Variants in ZNF391 observed in about 807,000 individuals in gnomAD.
ZNF391 encodes the protein zinc finger protein 391.
For synonymous variants in ZNF391, 126 were observed against 142.1 expected (o/e 0.89, Z 0.80); for missense variants, 375 against 425.5 (o/e 0.88, Z 1.04).
chr6:27,400,723 T>G lies in ZNF391; in HGVS notation c.353T>G (p.Phe118Cys). ...PCKCNECEKA[F>C]SYQSDLLVHS... ...AAATGCAATGAATGTGAAAAAGCCT[T>G]TAGTTACCAATCAGACCTTCTTGTA... Residue 118 changes from phenylalanine to cysteine, a missense_variant, in exon 3 of 3, where the codon TTT (phenylalanine) becomes TGT (cysteine). By Grantham distance (205) the Phe-to-Cys change is radical (BLOSUM62 -2). Coordinates refer to ENST00000244576, the MANE Select transcript of ZNF391 (RefSeq NM_001076781.3). 1 of 1,613,976 alleles carries G rather than the reference T, an allele frequency of 6.2e-7. No individual in the cohort carries two copies. The highest frequency in any genetic ancestry group is 8.5e-7 in the Non-Finnish European group (1 of 1,179,984).
rs899049969 is a variant in ZNF391 at position 27,401,629 on chromosome 6, C to A, written c.*182C>A. On this transcript the variant is annotated 3_prime_UTR_variant, in exon 3 of 3. Coordinates refer to ENST00000244576, the MANE Select transcript of ZNF391 (RefSeq NM_001076781.3). ...ATCCTTCTTTCGTCTCCCCTCCCTT[C>A]TTCCCTCCTTCCCTCCTTCCTACTT... 3 of 442,894 alleles carry A rather than the reference C, an allele frequency of 6.8e-6. No homozygotes were observed. Among genetic ancestry groups the A allele is most frequent in the Non-Finnish European group, 1.2e-5 (3 of 251,946 alleles). 27.4% of individuals were successfully genotyped at this position (442,894 alleles called of 1,614,324 possible).
intron 1 of ZNF391, among the ~76,000 whole-genome samples, chr6:27,381,560 G>A (rs1761509006): frequency 6.6e-6 from 1 of 152,352 alleles, no homozygotes; most frequent in South Asian, 2.1e-4. Flanking sequence ...GGGAGCCCAG[G>A]CAGAGGAGGC....
rs1365262559 is a variant in ZNF391 at position 27,399,519 on chromosome 6, G to A, written c.-110G>A. 1 of 152,224 alleles carries A rather than the reference G, an allele frequency of 6.6e-6. No individual in the cohort carries two copies. The highest frequency in any genetic ancestry group is 1.5e-5 in the Non-Finnish European group (1 of 68,042). 9.4% of individuals were successfully genotyped at this position (152,224 alleles called of 1,614,324 possible). A position where few individuals can be genotyped will look rare whatever the true frequency, so the allele number is the denominator to read the frequency against. Reference sequence around the variant, plus strand: ...GTAGATGTTGGATCTTCAGGAAGCTGAAGAGGGCAGTGCCCAGAAATACCT... The same window carrying A: ...GTAGATGTTGGATCTTCAGGAAGCTAAAGAGGGCAGTGCCCAGAAATACCT... On this transcript the variant is annotated 5_prime_UTR_variant, in exon 2 of 3. It removes the in-frame stop codon of an upstream open reading frame in the 5' UTR. Transcript: ENST00000244576.
chr6:27,382,809 C>G (rs1761529799), intron 1 of ZNF391, among the ~76,000 whole-genome samples: 2 of 152,176 alleles, frequency 1.3e-5, no homozygotes, highest in Admixed American at 1.3e-4. Context: ...GCTGTTTATC[C>G]CAATAGAAAG....
Position 27,401,298 on chromosome 6 carries a change from T to C in ZNF391, c.928T>C (p.Cys310Arg), listed in dbSNP as rs1470402238. The C allele has an allele frequency of 6.2e-7, 1 of 1,614,080 alleles. No individual in the cohort carries two copies. The highest frequency in any genetic ancestry group is 1.1e-5 in the South Asian group (1 of 91,076). ...AGAAAAGCCTCACGAGTGTAGAGTG[T>C]GTGGAAAGGGCTTCAGTCGAAGCTC... is the stretch of plus-strand genomic sequence containing the variant. ...SGEKPHECRV[C>R]GKGFSRSSSL... is the part of the protein sequence containing the mutation. Residue 310 changes from cysteine to arginine, a missense_variant, in exon 3 of 3, where the codon TGT (cysteine) becomes CGT (arginine). Coordinates refer to ENST00000244576, the MANE Select transcript of ZNF391 (RefSeq NM_001076781.3).
rs372937619 is a variant in ZNF391 at position 27,376,693 on chromosome 6, T to C, written n.523+1556T>C. ...CAACATGGTGAAACCCCATCTCTACTAAAAATACAAAAAAATTAGCTAGAT... is the reference window on the plus strand; with the variant it reads ...CAACATGGTGAAACCCCATCTCTACCAAAAATACAAAAAAATTAGCTAGAT... On this transcript the variant is annotated intron_variant and non_coding_transcript_variant, in intron 1 of 2. Coordinates refer to the ZNF391 transcript ENST00000477999. The surrounding 1 kb of genome is among the most constrained non-coding windows in gnomAD (Gnocchi z 4.7). Among the ~76,000 whole-genome samples, 1 of 151,866 alleles carries C rather than the reference T, an allele frequency of 6.6e-6. No homozygotes were observed. The highest frequency in any genetic ancestry group is 1.5e-5 in the Non-Finnish European group (1 of 67,966).
intron 1 of ZNF391, among the ~76,000 whole-genome samples, chr6:27,398,643 GGT>G (rs1761880855): frequency 6.6e-6 from 1 of 152,144 alleles, no homozygotes. Context: ...TGGATCACGA[GGT>G]CAGGAGATCG....
intron 1 of ZNF391, among the ~76,000 whole-genome samples, chr6:27,377,526 G>A (rs543608179): frequency 1.0e-3 from 158 of 152,308 alleles, no homozygotes; most frequent in African/African-American, 3.7e-3. Context: ...CTCAAAAAAT[G>A]TAACTGTTTA....
At chr6:27,378,311 T>C (rs1474580987) in intron 1 of ZNF391, among the ~76,000 whole-genome samples, 2 of 152,160 alleles carry the variant, frequency 1.3e-5, no homozygotes, top group Non-Finnish European at 2.9e-5. Context: ...GCAATAAAGC[T>C]TTTTAAATCA....
Position 27,402,863 on chromosome 6 carries a change from A to G in ZNF391, c.*1416A>G, listed in dbSNP as rs1762006048. 2 of 152,286 alleles carry G rather than the reference A, an allele frequency of 1.3e-5. No homozygotes were observed. Among genetic ancestry groups the G allele is most frequent in the African/African-American group, 4.8e-5 (2 of 41,552 alleles). 9.4% of individuals were successfully genotyped at this position (152,286 alleles called of 1,614,324 possible). ...CACCTCGGCTTCCGAAAACACTGAC[A>G]TTACAGGTGTGAGCCACCACACCTG... On this transcript the variant is annotated 3_prime_UTR_variant, in exon 3 of 3. Coordinates refer to ENST00000244576, the MANE Select transcript of ZNF391 (RefSeq NM_001076781.3).
At position 27,400,527 on chromosome 6, in the gene ZNF391, A is replaced by G; in HGVS notation, c.157A>G (p.Ile53Val). 1.9e-6 allele frequency: 3 copies of G among 1,614,174 alleles called. No individual in the cohort carries two copies. The highest frequency in any genetic ancestry group is 2.5e-6 in the Non-Finnish European group (3 of 1,180,022). The change falls in exon 3 of 3, where the codon ATT (isoleucine) becomes GTT (valine). Residue 53 changes from isoleucine to valine, a missense_variant. Transcript: ENST00000244576. Reference sequence around the variant, plus strand: ...AAAAGTGTCAGTGACACTCAAAGAAATTTTCACAGGGGAGGAAGGCCCTGA... The same window carrying G: ...AAAAGTGTCAGTGACACTCAAAGAAGTTTTCACAGGGGAGGAAGGCCCTGA... Reference protein sequence around the residue: ...VRKVSVTLKEIFTGEEGPESS... With the variant: ...VRKVSVTLKEVFTGEEGPESS...
At chr6:27,385,745 T>A (rs924702162), upstream of ZNF391, among the ~76,000 whole-genome samples, 3 of 152,164 alleles carry the variant, frequency 2.0e-5, no homozygotes, top group Non-Finnish European at 4.4e-5. Flanking sequence ...TCAGTAAGGA[T>A]ATAGTTGAAA....
intron 1 of ZNF391, among the ~76,000 whole-genome samples, chr6:27,377,380 C>T (rs926695349): frequency 6.6e-6 from 1 of 152,124 alleles, no homozygotes; most frequent in African/African-American, 2.4e-5. Flanking sequence ...ATCTTGTGCC[C>T]CCAATATCAC....
chr6:27,383,213 C>T (rs1438185280), intron 1 of ZNF391, among the ~76,000 whole-genome samples: 4 of 150,816 alleles, frequency 2.7e-5, no homozygotes, highest in African/African-American at 9.8e-5. Context: ...AAAAGTATAA[C>T]ATATGTATAA....
chr6:27,400,949 T>G lies in ZNF391; in HGVS notation c.579T>G (p.Tyr193Ter), dbSNP rs758318496. ...HQRIHTGEKP[Y>*]ECSECGKAFS... ...GAATCCATACTGGAGAAAAACCATA[T>G]GAATGTAGTGAATGTGGAAAAGCCT... The change falls in exon 3 of 3, where the codon TAT becomes TAG. Residue 193 changes from tyrosine to a stop codon, truncating the protein, a stop_gained. Coordinates refer to ENST00000244576, the MANE Select transcript of ZNF391 (RefSeq NM_001076781.3). LOFTEE classifies it low-confidence loss of function (END_TRUNC). The G allele has an allele frequency of 6.2e-7, 1 of 1,614,144 alleles. No homozygotes were observed. Among genetic ancestry groups the G allele is most frequent in the Non-Finnish European group, 8.5e-7 (1 of 1,180,006 alleles).
At chr6:27,390,387 A>T (rs35120058) in intron 1 of ZNF391, among the ~76,000 whole-genome samples, 1 of 152,156 alleles carries the variant, frequency 6.6e-6, no homozygotes, top group Non-Finnish European at 1.5e-5. Context: ...GAGAATAATG[A>T]TTTTGTAGGG....
chr6:27,392,504 G>A (rs1387571789), intron 1 of ZNF391, among the ~76,000 whole-genome samples: 1 of 152,090 alleles, frequency 6.6e-6, no homozygotes, highest in Non-Finnish European at 1.5e-5. Context: ...TGCCTACCTC[G>A]GCCTCCCAAA....
At chr6:27,380,228 C>T (rs1002841920) in intron 1 of ZNF391, among the ~76,000 whole-genome samples, 3 of 152,216 alleles carry the variant, frequency 2.0e-5, no homozygotes, top group East Asian at 1.9e-4. Context: ...AACGAAGCCG[C>T]GGACACTCGC....
At chr6:27,383,382 G>A (rs1280132393) in intron 1 of ZNF391, among the ~76,000 whole-genome samples, 2 of 152,084 alleles carry the variant, frequency 1.3e-5, no homozygotes, top group Admixed American at 6.6e-5. Flanking sequence ...GTGGCTTAGA[G>A]AACACTGAGC....
Sources: gnomAD v4.1 joint callset for allele counts (sites outside exome capture counted in the v4.1 genomes callset) on GRCh38, gnomAD v4.1.1 for gene constraint, Gnocchi (gnomAD v3.1) non-coding constraint, MANE v1.5 for transcripts, NCBI Gene and HGNC (gene_info 2026-07-23, HGNC 2026-07-21) for gene names.